Variants in IST1 observed in about 807,000 individuals in gnomAD.
IST1 encodes IST1 factor associated with ESCRT-III.
A neutral mutation model predicts 37.0 loss-of-function variants in IST1; 23 were observed. That is an observed-to-expected ratio of 0.62 (90% confidence interval 0.45 to 0.88). The LOEUF (loss-of-function observed/expected upper bound fraction) is 0.88. Ranked by LOEUF, IST1 falls within the 40% of genes least tolerant of loss-of-function variation. The pLI is 0.00. For missense variants in IST1, 488 were observed against 445.4 expected (o/e 1.10, Z -0.86); for synonymous variants, 180 against 161.7 (o/e 1.11, Z -0.86).
intron 1 of IST1, among the ~76,000 whole-genome samples, chr16:71,905,009 T>G (rs911399106): frequency 1.3e-5 from 2 of 152,104 alleles, no homozygotes; most frequent in African/African-American, 4.8e-5. Context: ...TTAAAAAATT[T>G]TTTTTTTGCT....
Position 71,929,472 on chromosome 16 carries a change from G to A in IST1, c.*1659G>A, listed in dbSNP as rs910640765. ...AAACAAAGTATATTATAATTTTAAA[G>A]CTATGCCATGCAAAGATAAGTAGTA... On this transcript the variant is annotated 3_prime_UTR_variant, in exon 10 of 10. Transcript: ENST00000378799. 2.2e-6 allele frequency: 3 copies of A among 1,393,716 alleles called. No homozygotes were observed. The African/African-American group carries it at 4.4e-5, about 20-fold the overall frequency. The allele number at this position is 1,393,716 out of a possible 1,614,324, so 86.3% of individuals were successfully genotyped here. A position where few individuals can be genotyped will look rare whatever the true frequency, so the allele number is the denominator to read the frequency against.
chr16:71,913,264 G>A (rs961162702), intron 1 of IST1, among the ~76,000 whole-genome samples: 1 of 151,394 alleles, frequency 6.6e-6, no homozygotes, highest in East Asian at 1.9e-4. Flanking sequence ...AGCCTCATCA[G>A]TACTTGAAAT....
upstream of IST1, chr16:71,895,182 T>C (rs2036936375): frequency 8.9e-6 from 2 of 224,438 alleles, no homozygotes; most frequent in African/African-American, 2.3e-5. Context: ...CAGCCGGTTA[T>C]GGAAGAATCC....
rs763107157 is a variant in IST1, at chr16:71,927,629, C to T, written c.917C>T (p.Pro306Leu). The change falls in exon 10 of 10, where the codon CCA (proline) becomes CTA (leucine). Residue 306 changes from proline (P) to leucine (L), a missense_variant. Pro to Leu is a moderately conservative substitution (Grantham distance 98). Around this residue, in one of 2 missense-constraint regions of IST1, gnomAD observed 455 missense variants for 386.2 expected, o/e 1.18. Coordinates refer to ENST00000378799, the MANE Select transcript of IST1 (RefSeq NM_001270975.2). ...CCCTAATTAGGTCCTGGACCCAAGC[C>T]AGAAGCCTCTGCAAAGCTTCCTTCC... ...SAQIVGPGPK[P>L]EASAKLPSRP... 2 of 1,613,750 alleles carry T rather than the reference C, an allele frequency of 1.2e-6. No homozygotes were observed. Among genetic ancestry groups the T allele is most frequent in the Admixed American group, 3.3e-5 (2 of 60,010 alleles).
intron 4 of IST1, among the ~76,000 whole-genome samples, chr16:71,919,223 C>T (rs564393618): frequency 6.6e-6 from 1 of 152,324 alleles, no homozygotes; most frequent in Non-Finnish European, 1.5e-5. Context: ...GCTCCCACTT[C>T]CCTTTTTCAT....
intron 8 of IST1, chr16:71,924,045 GTTCCTGAGCTTGCTT>G (rs1441891580): frequency 1.1e-5 from 5 of 447,962 alleles, no homozygotes; most frequent in South Asian, 4.8e-5. Context: ...AGATCTTCCT[GTTCCTGAGCTTGCTT>G]TCTGTTCTTT....
intron 7 of IST1, 124 bp from the exon 8 acceptor site, chr16:71,923,164 C>T (rs565030145): frequency 1.9e-6 from 1 of 521,702 alleles, no homozygotes. Flanking sequence ...TTTTAAGGAT[C>T]TTGAATATTT....
chr16:71,916,416 G>C, intron 2 of IST1, 46 bp from the exon 3 acceptor site: 1 of 1,591,606 alleles, frequency 6.3e-7, no homozygotes, highest in Non-Finnish European at 8.6e-7. Flanking sequence ...TAGGCCAGAT[G>C]CAAGTGCTCT....
chr16:71,929,308 T>G lies in IST1; in HGVS notation c.*1495T>G. 2.6e-6 allele frequency: 1 copy of G among 380,722 alleles called. No homozygotes were observed. Among genetic ancestry groups the G allele is most frequent in the South Asian group, 4.9e-5 (1 of 20,256 alleles). The allele number at this position is 380,722 out of a possible 1,614,324, so 23.6% of individuals were successfully genotyped here. On this transcript the variant is annotated 3_prime_UTR_variant, in exon 10 of 10. Coordinates refer to ENST00000378799, the MANE Select transcript of IST1 (RefSeq NM_001270975.2). Reference sequence around the variant, plus strand: ...CGCAGCCATCCTGGGCCATGGGTGGTGAGTTCTGTTACTTGCTGCTTGGCA... The same window carrying G: ...CGCAGCCATCCTGGGCCATGGGTGGGGAGTTCTGTTACTTGCTGCTTGGCA...
chr16:71,905,003 A>C (rs2037189666), intron 1 of IST1, among the ~76,000 whole-genome samples: 1 of 151,928 alleles, frequency 6.6e-6, no homozygotes, highest in South Asian at 2.1e-4. Context: ...ATTCCATTAA[A>C]AAATTTTTTT....
Position 71,930,032 on chromosome 16 carries a change from T to G in IST1, c.*2219T>G. The stretch of plus-strand genomic sequence containing the variant: ...TCCCAGTGATATAACAGCATGCTAG[T>G]TTATCTTTTAGTTACCTACCTTAAG... On this transcript the variant is annotated 3_prime_UTR_variant, in exon 10 of 10. Coordinates refer to ENST00000378799, the MANE Select transcript of IST1 (RefSeq NM_001270975.2). 6.5e-7 allele frequency: 1 copy of G among 1,542,738 alleles called. No homozygotes were observed. The highest frequency in any genetic ancestry group is 8.7e-7 in the Non-Finnish European group (1 of 1,143,632).
intron 1 of IST1, among the ~76,000 whole-genome samples, chr16:71,906,745 TC>T (rs992069684): frequency 6.6e-6 from 1 of 152,222 alleles, no homozygotes; most frequent in Admixed American, 6.5e-5. Flanking sequence ...TTCTTTTTTT[TC>T]AGCACTTTAA....
chr16:71,917,234 C>T, intron 4 of IST1, 100 bp downstream of exon 4: 1 of 688,236 alleles, frequency 1.5e-6, no homozygotes, highest in South Asian at 2.0e-5. Context: ...ATATTTTGTA[C>T]CATTCTTATG....
At chr16:71,901,647 G>A (rs902465961) in intron 1 of IST1, among the ~76,000 whole-genome samples, 1 of 152,162 alleles carries the variant, frequency 6.6e-6, no homozygotes, top group Non-Finnish European at 1.5e-5. Context: ...GTAAAATGGG[G>A]ATCTGTTGAA....
At chr16:71,918,964 C>T (rs1421337555) in intron 4 of IST1, among the ~76,000 whole-genome samples, 1 of 152,192 alleles carries the variant, frequency 6.6e-6, no homozygotes, top group Non-Finnish European at 1.5e-5. Flanking sequence ...GTTGGGACCA[C>T]TCTGGTCCAA....
intron 8 of IST1, 30 bp downstream of exon 8, chr16:71,923,410 C>CA (rs771750831): frequency 2.9e-6 from 4 of 1,391,426 alleles, no homozygotes; most frequent in Non-Finnish European, 4.1e-6. Flanking sequence ...TTATAAGCAA[C>CA]AGGAGAGTGA....
At chr16:71,915,889 G>C (rs1205504135) in intron 2 of IST1, among the ~76,000 whole-genome samples, 161 bp downstream of exon 2, 2 of 152,112 alleles carry the variant, frequency 1.3e-5, no homozygotes, top group Non-Finnish European at 2.9e-5. Flanking sequence ...GGAGTGCAGT[G>C]GTGTGATCTC....
At chr16:71,926,687 C>T (rs548596319) in intron 9 of IST1, among the ~76,000 whole-genome samples, 2 of 152,278 alleles carry the variant, frequency 1.3e-5, no homozygotes, top group South Asian at 4.1e-4. Flanking sequence ...ATTCCACTCT[C>T]TGATCAAGGT....
chr16:71,897,598 C>A (rs1016189711), intron 1 of IST1, among the ~76,000 whole-genome samples: 1 of 152,196 alleles, frequency 6.6e-6, no homozygotes. Flanking sequence ...CTTATTTCAG[C>A]ATTACTTATA....
Sources: allele counts gnomAD v4.1 joint callset (sites outside exome capture counted in the v4.1 genomes callset), GRCh38; gene constraint gnomAD v4.1.1; regional missense constraint gnomAD v4.1.1; transcripts MANE v1.5; gene names NCBI Gene and HGNC (gene_info 2026-07-23, HGNC 2026-07-21).